FBP2: variants seen among roughly 807,000 people sequenced by gnomAD.
The protein encoded by FBP2 is fructose-1,6-bisphosphatase isozyme 2.
A neutral mutation model predicts 31.6 loss-of-function variants in FBP2; 27 were observed. That is an observed-to-expected ratio of 0.85 (90% CI 0.63 to 1.18). FBP2 has a LOEUF of 1.18. FBP2 is among the 50% of genes most tolerant of loss of function. The pLI is 0.00. For missense variants in FBP2, 421 were observed against 436.1 expected (o/e 0.97, Z 0.31); for synonymous variants, 168 against 179.8 (o/e 0.93, Z 0.53).
chr9:94,572,090 G>GT (rs1290179071), intron 3 of FBP2, among the ~76,000 whole-genome samples: 1 of 152,148 alleles, frequency 6.6e-6, no homozygotes, highest in African/African-American at 2.4e-5. Context: ...AACTCGCCCA[G>GT]CAGCAGGAAG....
intron 3 of FBP2, among the ~76,000 whole-genome samples, chr9:94,573,282 A>G (rs1827287149): frequency 6.6e-6 from 1 of 152,194 alleles, no homozygotes; most frequent in Non-Finnish European, 1.5e-5. Context: ...TTTCAGAGAC[A>G]GGGTCTTGCT....
At chr9:94,568,928 A>G (rs1012946223) in intron 4 of FBP2, 1 of 152,332 alleles carries the variant, frequency 6.6e-6, no homozygotes, top group South Asian at 2.1e-4. Flanking sequence ...CCCAAGTCCT[A>G]TAAGCCCATC....
chr9:94,591,217 G>T lies in FBP2; in HGVS notation c.170+2340C>A, dbSNP rs190312585. Among the ~76,000 whole-genome samples the T allele has an allele frequency of 8.2e-3, 1,242 of 152,346 alleles. 45 individuals are homozygous for T. The highest frequency in any genetic ancestry group is 0.065 in the Admixed American group (997 of 15,300). ...GGGGTGGCGCTCGTCGGGGAGGCTC[G>T]GGCCGCACAGGAGCCCATGGAGTGG... On this transcript the variant is annotated intron_variant, in intron 1 of 6. Coordinates refer to ENST00000375337, the MANE Select transcript of FBP2 (RefSeq NM_003837.4).
Position 94,591,571 on chromosome 9 carries a change from C to T in FBP2, c.170+1986G>A, listed in dbSNP as rs1442872698. Among the ~76,000 whole-genome samples, 3 of 152,222 alleles carry T rather than the reference C, an allele frequency of 2.0e-5. 1 individual carries two copies. Among genetic ancestry groups the T allele is most frequent in the South Asian group, 4.1e-4 (2 of 4,832 alleles). On this transcript the variant is annotated intron_variant, in intron 1 of 6. Transcript: ENST00000375337. ...TGAGGGAGTGGGCTCCAGCCTTGGC[C>T]AGCCCAGAAAGTGGCTCCCACAGTG...
intron 3 of FBP2, chr9:94,573,157 C>G (rs2131451939): frequency 6.6e-6 from 1 of 152,302 alleles, no homozygotes; most frequent in South Asian, 2.1e-4. Context: ...TGTTACTGAT[C>G]TTAGAGTATA....
chr9:94,582,569 A>G (rs1365254959), intron 3 of FBP2, among the ~76,000 whole-genome samples: 1 of 135,494 alleles, frequency 7.4e-6, no homozygotes, highest in African/African-American at 2.9e-5. Context: ...TTTTTTTGAG[A>G]CGGAGTCTCG....
Position 94,587,406 on chromosome 9 carries a change from G to A in FBP2, c.234C>T (p.Ser78=). The A allele has an allele frequency of 6.2e-7, 1 of 1,613,954 alleles. No homozygotes were observed. The highest frequency in any genetic ancestry group is 8.5e-7 in the Non-Finnish European group (1 of 1,179,876). ...GGACCATGTTGATCACCAGGGAATT[G>A]GATAGCACATCCAGTTTCTTCACCT... ...GDEVKKLDVL[S]NSLVINMVQS... is the part of the protein sequence containing the mutation. Residue 78 remains serine, a synonymous_variant, in exon 2 of 7, where the codon TCC becomes TCT. Coordinates refer to ENST00000375337, the MANE Select transcript of FBP2 (RefSeq NM_003837.4).
rs2131459891 is a variant in FBP2 at position 94,587,336 on chromosome 9, C to G, written c.304G>C (p.Asp102His). 6.2e-7 allele frequency: 1 copy of G among 1,613,496 alleles called. No homozygotes were observed. The highest frequency in any genetic ancestry group is 8.5e-7 in the Non-Finnish European group (1 of 1,179,902). The stretch of plus-strand genomic sequence containing the variant: ...TTCTCCTTGGCGGTGATGATGGCGT[C>G]CTTATTCTCTTCTGAGACCAGGACG... Reference protein sequence around the residue: ...TCVLVSEENKDAIITAKEKRG... With the variant: ...TCVLVSEENKHAIITAKEKRG... Residue 102 changes from aspartate to histidine, a missense_variant, in exon 2 of 7, where the codon GAC becomes CAC. Asp to His is a moderately conservative substitution (Grantham distance 81). Transcript: ENST00000375337.
At chr9:94,584,133 A>C (rs78826521) in intron 3 of FBP2, among the ~76,000 whole-genome samples, 1 of 152,200 alleles carries the variant, frequency 6.6e-6, no homozygotes. Context: ...TCAGGGGTTC[A>C]GATTTCAAAT....
rs1248033785 is a variant in FBP2 at position 94,558,761 on chromosome 9, C to T, written c.*177G>A. On this transcript the variant is annotated 3_prime_UTR_variant, in exon 7 of 7. Coordinates refer to ENST00000375337, the MANE Select transcript of FBP2 (RefSeq NM_003837.4). Reference sequence around the variant, plus strand: ...TTTATTTCTAGTCCTTCACATTGACCATAGAATCGCCTGTGGCTTCCAAAC... The same window carrying T: ...TTTATTTCTAGTCCTTCACATTGACTATAGAATCGCCTGTGGCTTCCAAAC... The T allele has an allele frequency of 8.2e-6, 5 of 611,072 alleles. No individual in the cohort carries two copies. The highest frequency in any genetic ancestry group is 1.1e-5 in the Non-Finnish European group (4 of 348,426). 37.9% of individuals were successfully genotyped at this position (611,072 alleles called of 1,614,324 possible).
Position 94,593,550 on chromosome 9 carries a change from G to A in FBP2, c.170+7C>T, listed in dbSNP as rs1329368840. 6.2e-7 allele frequency: 1 copy of A among 1,612,136 alleles called. No homozygotes were observed. The highest frequency in any genetic ancestry group is 2.2e-5 in the East Asian group (1 of 44,846). ...TCTGTGCCCCATGCCTGCTCCCCAG[G>A]ACTCACAGGTGGGCCAGACCGGCCT... On this transcript the variant is annotated splice_region_variant and intron_variant, in intron 1 of 6. Coordinates refer to ENST00000375337, the MANE Select transcript of FBP2 (RefSeq NM_003837.4).
At chr9:94,570,397 C>T (rs1217273556) in intron 4 of FBP2, 1 of 152,336 alleles carries the variant, frequency 6.6e-6, no homozygotes, top group South Asian at 2.1e-4. Flanking sequence ...CTCTACGCCT[C>T]ACTTTCCCCA....
chr9:94,571,355 C>CA (rs1827266493), intron 4 of FBP2, 107 bp downstream of exon 4: 3 of 1,226,434 alleles, frequency 2.4e-6, no homozygotes, highest in Non-Finnish European at 3.3e-6. Flanking sequence ...CCCTGGTCCC[C>CA]AAAACAAGTA....
Position 94,587,308 on chromosome 9 carries a change from C to T in FBP2, c.332G>A (p.Arg111Gln), listed in dbSNP as rs762529343. 2 of 1,609,566 alleles carry T rather than the reference C, an allele frequency of 1.2e-6. No individual in the cohort carries two copies. Among genetic ancestry groups the T allele is most frequent in the South Asian group, 2.2e-5 (2 of 90,240 alleles). ...KDAIITAKEK[R>Q]GKYVVCFDPL... Reference sequence around the variant, plus strand: ...GGGCACCGCAGCCCCATGACGCACCCGCTTCTCCTTGGCGGTGATGATGGC... The same window carrying T: ...GGGCACCGCAGCCCCATGACGCACCTGCTTCTCCTTGGCGGTGATGATGGC... Residue 111 changes from arginine to glutamine, a missense_variant and splice_region_variant, in exon 2 of 7, where the codon CGG (arginine) becomes CAG (glutamine). Physicochemically the swap from Arg to Gln is conservative, Grantham distance 43. Transcript: ENST00000375337.
At chr9:94,559,776 G>A (rs896591306) in intron 6 of FBP2, among the ~76,000 whole-genome samples, 2 of 152,106 alleles carry the variant, frequency 1.3e-5, no homozygotes, top group African/African-American at 4.8e-5. Context: ...TTTAATGCCT[G>A]GCTTCCTCTC....
At chr9:94,576,351 A>G (rs1007232418) in intron 3 of FBP2, among the ~76,000 whole-genome samples, 3 of 152,170 alleles carry the variant, frequency 2.0e-5, no homozygotes, top group African/African-American at 7.2e-5. Context: ...TGGTTAATAA[A>G]GTCACTTTCT....
intron 3 of FBP2, among the ~76,000 whole-genome samples, chr9:94,573,416 C>T (rs1827288159): frequency 2.0e-5 from 3 of 152,068 alleles, no homozygotes; most frequent in African/African-American, 7.2e-5. Context: ...GCACTACCAC[C>T]CCCCTCTCCA....
chr9:94,572,305 G>C (rs552616615), intron 3 of FBP2, among the ~76,000 whole-genome samples: 3 of 152,080 alleles, frequency 2.0e-5, no homozygotes, highest in Non-Finnish European at 4.4e-5. Context: ...TTTGTATTGA[G>C]TTACCCCGTC....
intron 3 of FBP2, among the ~76,000 whole-genome samples, chr9:94,575,385 A>G (rs1351177771): frequency 6.6e-6 from 1 of 152,088 alleles, no homozygotes; most frequent in East Asian, 1.9e-4. Context: ...ATGACACTGC[A>G]TATGTTCTTT....
Sources: allele counts gnomAD v4.1 joint callset (sites outside exome capture counted in the v4.1 genomes callset), GRCh38; gene constraint gnomAD v4.1.1; transcripts MANE v1.5; gene names NCBI Gene and HGNC (gene_info 2026-07-23, HGNC 2026-07-21).